The following CC2D2A variants were observed in gnomAD, a reference collection of about 807,000 sequenced individuals.
CC2D2A encodes coiled-coil and C2 domain containing 2A, also known as coiled-coil and C2 domain-containing protein 2A.
Under a neutral mutation model 212.9 loss-of-function variants are expected in CC2D2A, and 155 were observed. The observed-to-expected ratio is 0.73, with a 90% CI of 0.64 to 0.83. The LOEUF is 0.83. CC2D2A is among the 40% of genes least tolerant of loss of function. CC2D2A has a pLI of 0.00. For missense variants in CC2D2A, 1,856 were observed against 1,956.2 expected (o/e 0.95, Z 0.97); for synonymous variants, 667 against 686.5 (o/e 0.97, Z 0.44).
intron 9 of CC2D2A, 126 bp from the exon 10 acceptor site, chr4:15,515,742 T>C (rs1338810603): frequency 2.1e-6 from 2 of 940,988 alleles, no homozygotes; most frequent in Non-Finnish European, 3.1e-6. Flanking sequence ...CTTTTAAAAA[T>C]TAATTTGGAA....
intron 1 of CC2D2A, among the ~76,000 whole-genome samples, chr4:15,471,551 A>C (rs28572467): frequency 0.095 from 14,419 of 151,890 alleles, 2,258 homozygotes; most frequent in African/African-American, 0.33. Flanking sequence ...TAGGCATTTT[A>C]CTACACACAT....
At chr4:15,500,890 T>C (rs967021247) in intron 4 of CC2D2A, among the ~76,000 whole-genome samples, 11 of 152,260 alleles carry the variant, frequency 7.2e-5, no homozygotes, top group African/African-American at 2.4e-4. Context: ...GCGCTCACCA[T>C]GGTTGAAAGC....
intron 13 of CC2D2A, among the ~76,000 whole-genome samples, chr4:15,532,141 C>T (rs1717879696): frequency 6.6e-6 from 1 of 152,168 alleles, no homozygotes; most frequent in Non-Finnish European, 1.5e-5. Flanking sequence ...AACAACTGCA[C>T]CCTTAACCAC....
rs1433294475 is a variant in CC2D2A at position 15,480,777 on chromosome 4, AG to A, written c.199del (p.Glu67SerfsTer7). The stretch of plus-strand genomic sequence containing the variant: ...GGCAACCCCCAGGAGCCTGTGCAGG[AG>A]GAGCCCAAGACCCGCCTCCTGAGTA... Reference protein sequence around the residue: ...HLGNPQEPVQEEPKTRLLSMT... With the variant: ...HLGNPQEPVQXEPKTRLLSMT... On this transcript the variant is annotated frameshift_variant, in exon 4 of 37. Coordinates refer to ENST00000424120, the MANE Select transcript of CC2D2A (RefSeq NM_001378615.1). LOFTEE classifies it high-confidence loss of function. The A allele has an allele frequency of 1.2e-6, 2 of 1,613,456 alleles. No homozygotes were observed. The highest frequency in any genetic ancestry group is 3.3e-5 in the Admixed American group (2 of 59,972).
intron 28 of CC2D2A, among the ~76,000 whole-genome samples, chr4:15,571,018 T>A (rs1720140742): frequency 6.6e-6 from 1 of 152,330 alleles, no homozygotes; most frequent in African/African-American, 2.4e-5. Flanking sequence ...TGATCTTCTG[T>A]CACATTTGCA....
chr4:15,511,399 T>A lies in CC2D2A; in HGVS notation c.693T>A (p.Pro231=). 2 of 1,550,352 alleles carry A rather than the reference T, an allele frequency of 1.3e-6. No individual in the cohort carries two copies. The highest frequency in any genetic ancestry group is 1.7e-6 in the Non-Finnish European group (2 of 1,156,894). The change falls in exon 8 of 37, where the codon CCT becomes CCA. Residue 231 remains proline, a synonymous_variant. Coordinates refer to ENST00000424120, the MANE Select transcript of CC2D2A (RefSeq NM_001378615.1). ...AGGAAGGGGAAGAAGAAGAACCACCTGCACAAGGAGGAGGAAAGGAAATGG... is the reference window on the plus strand; with the variant it reads ...AGGAAGGGGAAGAAGAAGAACCACCAGCACAAGGAGGAGGAAAGGAAATGG... ...EEEEGEEEEP[P]AQGGGKEMDE... is the part of the protein sequence containing the mutation.
chr4:15,507,077 CAAA>C (rs1176476871), intron 6 of CC2D2A, among the ~76,000 whole-genome samples: 2 of 105,070 alleles, frequency 1.9e-5, no homozygotes, highest in African/African-American at 3.6e-5. Context: ...GACTCCATCT[CAAA>C]AAAAAAAAAA....
chr4:15,518,132 C>T (rs1215590131), intron 11 of CC2D2A, among the ~76,000 whole-genome samples: 1 of 152,158 alleles, frequency 6.6e-6, no homozygotes, highest in African/African-American at 2.4e-5. Context: ...CATTTCAAAA[C>T]CAATCATTGC....
At chr4:15,479,772 G>A (rs991208017) in intron 3 of CC2D2A, among the ~76,000 whole-genome samples, 1 of 152,194 alleles carries the variant, frequency 6.6e-6, no homozygotes. Context: ...GGCTGTGGAG[G>A]CAGTAGATGA....
In CC2D2A at chr4:15,540,882, C is replaced by T. The variant is rs1289857244; in HGVS notation, c.2049C>T (p.Tyr683=). ...AGGATGTAAAGAAGCGCTCAGTGTA[C>T]TTAAAAGTGCTGTTCAACAACAAGG... is the stretch of plus-strand genomic sequence containing the variant. The part of the protein sequence containing the change: ...RREDVKKRSV[Y]LKVLFNNKEV... The change falls in exon 17 of 37, where the codon TAC becomes TAT. Residue 683 remains tyrosine (Y), a synonymous_variant. Transcript: ENST00000424120. 1.9e-6 allele frequency: 3 copies of T among 1,596,512 alleles called. No homozygotes were observed. The highest frequency in any genetic ancestry group is 3.5e-5 in the Admixed American group (2 of 57,734).
rs982658431 is a variant in CC2D2A, at chr4:15,554,544, C to T, written c.2487-528C>T. Among the ~76,000 whole-genome samples the T allele has an allele frequency of 4.6e-5, 7 of 152,154 alleles. No homozygotes were observed. In the South Asian group the frequency reaches 6.2e-4, roughly 14 times the overall value. On this transcript the variant is annotated intron_variant, in intron 19 of 36. Transcript: ENST00000424120. Reference sequence around the variant, plus strand: ...TAATAAAATTAGCTGGGCATGGTGGCGCATGCCTGCAATCCCAGCTACTTG... The same window carrying T: ...TAATAAAATTAGCTGGGCATGGTGGTGCATGCCTGCAATCCCAGCTACTTG...
At position 15,540,986 on chromosome 4, in the gene CC2D2A, T is replaced by A; in HGVS notation, c.2153T>A (p.Val718Asp). 1 of 1,550,924 alleles carries A rather than the reference T, an allele frequency of 6.4e-7. No homozygotes were observed. The highest frequency in any genetic ancestry group is 8.7e-7 in the Non-Finnish European group (1 of 1,146,514). The change falls in exon 17 of 37, where the codon GTC becomes GAC. Residue 718 changes from valine (V) to aspartate (D), a missense_variant. Transcript: ENST00000424120. The part of the protein sequence containing the change: ...HFGQIFNLQI[V>D]NWPESLTLQV... ...GGGCAGATTTTCAATTTGCAAATAGTCAACTGGCCGGAGAGTTTAACACTT... is the reference window on the plus strand; with the variant it reads ...GGGCAGATTTTCAATTTGCAAATAGACAACTGGCCGGAGAGTTTAACACTT...
intron 4 of CC2D2A, among the ~76,000 whole-genome samples, chr4:15,497,501 G>T (rs1436945371): frequency 1.3e-5 from 2 of 152,056 alleles, no homozygotes; most frequent in Non-Finnish European, 1.5e-5. Context: ...GGAAATACTA[G>T]GTTCTCCTTG....
In CC2D2A at chr4:15,601,469, G is replaced by T; in HGVS notation, c.*44G>T. 1 of 1,249,040 alleles carries T rather than the reference G, an allele frequency of 8.0e-7. No individual in the cohort carries two copies. The highest frequency in any genetic ancestry group is 1.1e-6 in the Non-Finnish European group (1 of 939,860). 77.4% of individuals were successfully genotyped at this position (1,249,040 alleles called of 1,614,324 possible). A position where few individuals can be genotyped will look rare whatever the true frequency, so the allele number is the denominator to read the frequency against. ...CTGTATCATGTAAAAACTACACTTA[G>T]GATATGAGAAAATTTTAAATTATAT... On this transcript the variant is annotated 3_prime_UTR_variant, in exon 37 of 37. Transcript: ENST00000424120.
chr4:15,470,702 T>TCTC, intron 1 of CC2D2A, among the ~76,000 whole-genome samples: 1 of 32,356 alleles, frequency 3.1e-5, no homozygotes, highest in African/African-American at 1.3e-4. Flanking sequence ...TATATATATA[T>TCTC]ATATATATAT....
At chr4:15,474,707 A>T (rs1384472083) in intron 1 of CC2D2A, among the ~76,000 whole-genome samples, 1 of 152,180 alleles carries the variant, frequency 6.6e-6, no homozygotes, top group Non-Finnish European at 1.5e-5. Context: ...GTACCCCATA[A>T]ATATATACAC....
At chr4:15,484,566 G>A (rs1296821393) in intron 4 of CC2D2A, among the ~76,000 whole-genome samples, 1 of 152,166 alleles carries the variant, frequency 6.6e-6, no homozygotes, top group East Asian at 1.9e-4. Context: ...GAATGGGACT[G>A]GCGGGTAGTG....
intron 34 of CC2D2A, 48 bp downstream of exon 34, chr4:15,596,255 G>A: frequency 1.4e-6 from 2 of 1,438,768 alleles, no homozygotes; most frequent in South Asian, 3.0e-5. Flanking sequence ...TAAAAGATAG[G>A]AAATTATACT....
chr4:15,530,034 C>G (rs992826833), intron 13 of CC2D2A, among the ~76,000 whole-genome samples: 4 of 151,304 alleles, frequency 2.6e-5, no homozygotes, highest in Admixed American at 1.3e-4. Context: ...TGCAGTGGTG[C>G]GATTTCGGCT....
Sources: allele counts gnomAD v4.1 joint callset (sites outside exome capture counted in the v4.1 genomes callset), GRCh38; gene constraint gnomAD v4.1.1; transcripts MANE v1.5; gene names NCBI Gene and HGNC (gene_info 2026-07-23, HGNC 2026-07-21).